Variants in HEATR1 observed in about 807,000 individuals in gnomAD.
The protein encoded by HEATR1 is HEAT repeat-containing protein 1.
HEATR1 carries 77 observed loss-of-function variants against 248.2 expected under a neutral mutation model. The observed-to-expected ratio is 0.31, with a 90% CI of 0.26 to 0.37. The LOEUF is 0.37. Among genes scored for constraint, HEATR1 ranks in the 10% least tolerant of loss-of-function variants. HEATR1 has a pLI of 1.00. For missense variants in HEATR1, 2,420 were observed against 2,504.9 expected (o/e 0.97, Z 0.72); for synonymous variants, 897 against 923.1 (o/e 0.97, Z 0.51).
Position 236,572,734 on chromosome 1 carries a change from ATTTTTTGCCTTC to A in HEATR1, c.3542_3553del (p.Arg1181_Lys1184del). ...CATTTGTAGCTCTTACTTCTGCTGCATTTTTTGCCTTCTTTTTTGCTGAACTGTGCCCAAGGG... is the reference window on the plus strand; with the variant it reads ...CATTTGTAGCTCTTACTTCTGCTGCATTTTTTGCTGAACTGTGCCCAAGGG... On this transcript the variant is annotated inframe_deletion, in exon 25 of 45. Coordinates refer to ENST00000366582, the MANE Select transcript of HEATR1 (RefSeq NM_018072.6). 6.2e-7 allele frequency: 1 copy of A among 1,613,906 alleles called. No homozygotes were observed. Among genetic ancestry groups the A allele is most frequent in the Non-Finnish European group, 8.5e-7 (1 of 1,179,824 alleles).
chr1:236,591,121 C>T lies in HEATR1; in HGVS notation c.1423-167G>A, dbSNP rs575455890. On this transcript the variant is annotated intron_variant, in intron 11 of 44. Coordinates refer to ENST00000366582, the MANE Select transcript of HEATR1 (RefSeq NM_018072.6). ...TGCAAAATCTTTGTTTCTAGAACAT[C>T]ACATGAGTTGATGAAAAAATTTGTA... Among the ~76,000 whole-genome samples, 88 of 81,438 alleles carry T rather than the reference C, an allele frequency of 1.1e-3. 1 individual carries two copies. Among genetic ancestry groups the T allele is most frequent in the African/African-American group, 2.6e-3 (84 of 32,014 alleles). The allele number at this position is 81,438 out of a possible 152,430, so 53.4% of individuals were successfully genotyped here. A position where few individuals can be genotyped will look rare whatever the true frequency, so the allele number is the denominator to read the frequency against.
intron 12 of HEATR1, among the ~76,000 whole-genome samples, chr1:236,589,641 GCTT>G: frequency 6.6e-6 from 1 of 152,262 alleles, no homozygotes; most frequent in Middle Eastern, 3.4e-3. Flanking sequence ...GTAAGAATCT[GCTT>G]CTAATTGCTA....
rs1004492086 is a variant in HEATR1, at chr1:236,564,642, C to T, written c.4455G>A (p.Val1485=). ...CTTGTGATTCACTCTTATTAAATGA[C>T]ACTGCTTTGGGAATGGTTTCTGAAA... The part of the protein sequence containing the change: ...EEKEETIPKA[V]SFNKSESQEE... Residue 1485 remains valine, a synonymous_variant, in exon 32 of 45, where the codon GTG becomes GTA. Coordinates refer to ENST00000366582, the MANE Select transcript of HEATR1 (RefSeq NM_018072.6). The T allele has an allele frequency of 6.2e-7, 1 of 1,612,204 alleles. No homozygotes were observed. The highest frequency in any genetic ancestry group is 8.5e-7 in the Non-Finnish European group (1 of 1,179,584).
rs759744935 is a variant in HEATR1, at chr1:236,599,571, T to C, written c.413A>G (p.Tyr138Cys). ...TCGCACAAATATTCTTGTCTCGTGG[T>C]ATGGCAGAACACAAGCAATGAGGCT... ...QDSLIACVLP[Y>C]HETRIFVRVI... Residue 138 changes from tyrosine (Y) to cysteine (C), a missense_variant, in exon 4 of 45, where the codon TAC (tyrosine) becomes TGC (cysteine). Physicochemically the swap from Tyr to Cys is radical, Grantham distance 194. Transcript: ENST00000366582. 2.5e-6 allele frequency: 4 copies of C among 1,613,844 alleles called. No homozygotes were observed. In the East Asian group the frequency reaches 8.9e-5, roughly 36 times the overall value.
At chr1:236,591,569 T>C (rs1052361719) in intron 11 of HEATR1, among the ~76,000 whole-genome samples, 2 of 152,134 alleles carry the variant, frequency 1.3e-5, no homozygotes, top group Non-Finnish European at 2.9e-5. Context: ...CCAGAAAATT[T>C]CTCAAGTTTT....
intron 38 of HEATR1, 58 bp downstream of exon 38, chr1:236,556,042 A>C (rs762172652): frequency 8.1e-6 from 13 of 1,608,090 alleles, no homozygotes; most frequent in Non-Finnish European, 1.1e-5. Flanking sequence ...GTCAAAGTTT[A>C]CACATTGCAG....
chr1:236,592,260 C>T (rs2103151304), intron 10 of HEATR1, 150 bp from the exon 11 acceptor site: 1 of 562,102 alleles, frequency 1.8e-6, no homozygotes, highest in Non-Finnish European at 3.1e-6. Flanking sequence ...AACCAAATGA[C>T]ATTGGTCAAG....
At position 236,555,565 on chromosome 1, in the gene HEATR1, G is replaced by A; in HGVS notation, c.5740C>T (p.Pro1914Ser). 2 of 1,614,190 alleles carry A rather than the reference G, an allele frequency of 1.2e-6. No individual in the cohort carries two copies. The highest frequency in any genetic ancestry group is 1.3e-5 in the African/African-American group (1 of 75,066). ...VVKLSEVTFR[P>S]LFFKLFDWAK... ...GAAAGCGTCACCTTGAAGAACAGGG[G>A]CCTGAATGTGACCTCGGAAAGTTTG... The change falls in exon 40 of 45, where the codon CCC becomes TCC. Residue 1914 changes from proline to serine, a missense_variant. By Grantham distance (74) the Pro-to-Ser change is moderately conservative. Coordinates refer to ENST00000366582, the MANE Select transcript of HEATR1 (RefSeq NM_018072.6).
intron 22 of HEATR1, among the ~76,000 whole-genome samples, chr1:236,575,224 C>T (rs1663534326): frequency 6.6e-6 from 1 of 152,108 alleles, no homozygotes; most frequent in African/African-American, 2.4e-5. Context: ...TTTAAGATTC[C>T]CTAAAACACT....
At chr1:236,588,609 T>G (rs1327309612) in intron 12 of HEATR1, among the ~76,000 whole-genome samples, 1 of 152,206 alleles carries the variant, frequency 6.6e-6, no homozygotes, top group Non-Finnish European at 1.5e-5. Flanking sequence ...GATAAGGACA[T>G]GTACTACAAA....
chr1:236,596,804 A>C (rs1664188401), intron 6 of HEATR1, 32 bp downstream of exon 6: 1 of 1,550,590 alleles, frequency 6.4e-7, no homozygotes, highest in African/African-American at 1.4e-5. Context: ...TTAAGTACAA[A>C]ATAATCTACT....
chr1:236,587,328 G>A (rs1348060679), intron 14 of HEATR1, 74 bp downstream of exon 14: 15 of 620,922 alleles, frequency 2.4e-5, no homozygotes, highest in South Asian at 1.2e-4. Context: ...AAAAAAAAAA[G>A]AAGAAGAAAT....
chr1:236,566,663 C>T lies in HEATR1; in HGVS notation c.4291G>A (p.Ala1431Thr), dbSNP rs1663280168. 6.2e-7 allele frequency: 1 copy of T among 1,613,570 alleles called. No individual in the cohort carries two copies. The change falls in exon 30 of 45, where the codon GCT becomes ACT. Residue 1431 changes from alanine (A) to threonine (T), a missense_variant. Physicochemically the swap from Ala to Thr is moderately conservative, Grantham distance 58 (BLOSUM62 0). Transcript: ENST00000366582. ...GTTCTGACCTTTTCGCCATAGGCAG[C>T]CGCCAGCACTGTTTTTGTGACATAC... Reference protein sequence around the residue: ...EQYVTKTVLAAAYGEKDAILE... With the variant: ...EQYVTKTVLATAYGEKDAILE...
chr1:236,572,276 A>T, intron 26 of HEATR1, 135 bp downstream of exon 26: 2 of 1,044,866 alleles, frequency 1.9e-6, no homozygotes, highest in Non-Finnish European at 2.8e-6. Flanking sequence ...CCAATCTTTT[A>T]ATTTCACCTA....
intron 9 of HEATR1, among the ~76,000 whole-genome samples, chr1:236,593,463 A>G (rs1264621214): frequency 6.6e-6 from 1 of 152,088 alleles, no homozygotes; most frequent in African/African-American, 2.4e-5. Context: ...AAAATGGCAA[A>G]GCTACATCCA....
Position 236,594,010 on chromosome 1 carries a change from A to C in HEATR1, c.1193+2T>G, listed in dbSNP as rs1572052668. 1 of 1,562,222 alleles carries C rather than the reference A, an allele frequency of 6.4e-7. No homozygotes were observed. Among genetic ancestry groups the C allele is most frequent in the Non-Finnish European group, 8.7e-7 (1 of 1,150,258 alleles). ...AAAAGCATGTCAAAAATAATAGCTT[A>C]CCTAGCCAACAAATGGTCTAAGTTG... On this transcript the variant is annotated splice_donor_variant, in intron 9 of 44. Transcript: ENST00000366582. LOFTEE classifies it high-confidence loss of function.
intron 3 of HEATR1, among the ~76,000 whole-genome samples, chr1:236,600,509 T>A (rs1035667901): frequency 6.6e-6 from 1 of 151,842 alleles, no homozygotes; most frequent in African/African-American, 2.4e-5. Context: ...GTACTTTTTT[T>A]AAACAGTACC....
chr1:236,599,531 T>C lies in HEATR1; in HGVS notation c.453A>G (p.Leu151=). 1 of 1,613,894 alleles carries C rather than the reference T, an allele frequency of 6.2e-7. No homozygotes were observed. Among genetic ancestry groups the C allele is most frequent in the Non-Finnish European group, 8.5e-7 (1 of 1,179,880 alleles). Residue 151 remains leucine, a synonymous_variant, in exon 4 of 45, where the codon CTA becomes CTG. Transcript: ENST00000366582. ...TRIFVRVIQL[L]KINNSKHRWF... is the part of the protein sequence containing the mutation. ...ATCTGTGCTTTGAATTATTAATTTT[T>C]AGAAGCTGTATGACTCGCACAAATA... is the stretch of plus-strand genomic sequence containing the variant.
chr1:236,570,060 G>C (rs1663382023), intron 28 of HEATR1, among the ~76,000 whole-genome samples: 1 of 152,106 alleles, frequency 6.6e-6, no homozygotes, highest in South Asian at 2.1e-4. Context: ...AGGCCGAGGC[G>C]GGCGGATCAT....
Sources: allele counts gnomAD v4.1 joint callset (sites outside exome capture counted in the v4.1 genomes callset), GRCh38; gene constraint gnomAD v4.1.1; transcripts MANE v1.5; gene names NCBI Gene and HGNC (gene_info 2026-07-23, HGNC 2026-07-21).